The following FRMD6 variants were observed in gnomAD, a reference collection of about 807,000 sequenced individuals.
FRMD6 encodes the protein FERM domain-containing protein 6.
Under a neutral mutation model 73.2 loss-of-function variants are expected in FRMD6, and 37 were observed. The observed-to-expected ratio is 0.51, with a 90% CI of 0.39 to 0.66. The LOEUF is 0.66. Ranked by LOEUF, FRMD6 falls within the 30% of genes least tolerant of loss-of-function variation. FRMD6 has a pLI of 0.00. For synonymous variants in FRMD6, 273 were observed against 282.2 expected (o/e 0.97, Z 0.33); for missense variants, 714 against 780.5 (o/e 0.91, Z 1.02).
Position 51,720,273 on chromosome 14 carries a change from A to G in FRMD6, c.1243A>G (p.Ser415Gly). The change falls in exon 11 of 14, where the codon AGT (serine) becomes GGT (glycine). Residue 415 changes from serine to glycine, a missense_variant. Physicochemically the swap from Ser to Gly is moderately conservative, Grantham distance 56 (BLOSUM62 0). Transcript: ENST00000344768. ...GGGGCCAGAAGACAGCTACTCCAGC[A>G]GTGCCATCCACCGCAAGCTGAAAAC... The part of the protein sequence containing the change: ...DTGPEDSYSS[S>G]AIHRKLKTCS... 1.9e-6 allele frequency: 3 copies of G among 1,614,014 alleles called. No individual in the cohort carries two copies. The highest frequency in any genetic ancestry group is 2.5e-6 in the Non-Finnish European group (3 of 1,179,980).
chr14:51,418,842 G>A, the FRMD6 span, among the ~76,000 whole-genome samples: 1 of 152,356 alleles, frequency 6.6e-6, no homozygotes, highest in Admixed American at 6.5e-5. Context: ...CCCAGTTTGA[G>A]CTTCCATGGC....
In FRMD6 at chr14:51,730,247, CATT is replaced by C. The variant is rs1898188256; in HGVS notation, c.*2219_*2221del. 1.3e-5 allele frequency: 2 copies of C among 152,156 alleles called. No individual in the cohort carries two copies. The highest frequency in any genetic ancestry group is 2.4e-5 in the African/African-American group (1 of 41,432). The allele number at this position is 152,156 out of a possible 1,614,324, so 9.4% of individuals were successfully genotyped here. ...AATCAGATCTTTGAGGTTTTGCTGACATTGTTGGTGGTTTTGCACATGTTCTTT... is the reference window on the plus strand; with the variant it reads ...AATCAGATCTTTGAGGTTTTGCTGACGTTGGTGGTTTTGCACATGTTCTTT... On this transcript the variant is annotated 3_prime_UTR_variant, in exon 14 of 14. Coordinates refer to ENST00000344768, the MANE Select transcript of FRMD6 (RefSeq NM_001267046.2).
At chr14:51,671,835 C>T (rs970797376) in intron 1 of FRMD6, among the ~76,000 whole-genome samples, 1 of 152,306 alleles carries the variant, frequency 6.6e-6, no homozygotes, top group South Asian at 2.1e-4. Context: ...TCATCTTGTT[C>T]ATGCCCTAAT....
At chr14:51,652,617 C>T (rs967820948) in intron 1 of FRMD6, among the ~76,000 whole-genome samples, 1 of 152,236 alleles carries the variant, frequency 6.6e-6, no homozygotes, top group Non-Finnish European at 1.5e-5. Flanking sequence ...GCCTAGTCTG[C>T]GGAGCCGGAG....
At chr14:51,444,063 G>A in the FRMD6 span, among the ~76,000 whole-genome samples, 1 of 151,884 alleles carries the variant, frequency 6.6e-6, no homozygotes, top group Non-Finnish European at 1.5e-5. Context: ...CAAGTAGCTG[G>A]GATTACAGGC....
chr14:51,436,945 T>G, the FRMD6 span: 6 of 958,076 alleles, frequency 6.3e-6, no homozygotes, highest in Non-Finnish European at 6.2e-6. Context: ...GAGAGGAGGA[T>G]GAAGGAGAAG....
intron 1 of FRMD6, among the ~76,000 whole-genome samples, chr14:51,538,561 A>C (rs1409461293): frequency 1.3e-5 from 2 of 152,144 alleles, no homozygotes; most frequent in Non-Finnish European, 2.9e-5. Flanking sequence ...TATGTTTTGA[A>C]TTAATCTTTG....
the FRMD6 span, among the ~76,000 whole-genome samples, chr14:51,474,702 G>A: frequency 6.6e-6 from 1 of 152,190 alleles, no homozygotes; most frequent in East Asian, 1.9e-4. Flanking sequence ...GAAGGATCTT[G>A]AGAGACAGAT....
At chr14:51,691,588 A>ATTTTTTTTTTTTTTTTTTTT (rs758677611) in intron 2 of FRMD6, among the ~76,000 whole-genome samples, 11 of 75,144 alleles carry the variant, frequency 1.5e-4, no homozygotes, top group East Asian at 3.6e-4. Flanking sequence ...TTTGATTTTG[A>ATTTTTTTTTTTTTTTTTTTT]TTTTTTTTTT....
At chr14:51,407,720 G>C in the FRMD6 span, among the ~76,000 whole-genome samples, 1 of 151,758 alleles carries the variant, frequency 6.6e-6, no homozygotes. Flanking sequence ...TTTGTTCTTT[G>C]ACCTATAAAT....
chr14:51,602,597 C>G (rs577611011), intron 2 of FRMD6, among the ~76,000 whole-genome samples: 2 of 152,126 alleles, frequency 1.3e-5, no homozygotes, highest in Non-Finnish European at 2.9e-5. Context: ...TCTATGGCTG[C>G]TTTTGTGCTA....
intron 2 of FRMD6, 77 bp from the exon 3 acceptor site, chr14:51,698,065 A>G: frequency 1.0e-6 from 1 of 986,324 alleles, no homozygotes; most frequent in East Asian, 2.4e-5. Flanking sequence ...TTTACGATGC[A>G]TTAAATTGCC....
the FRMD6 span, among the ~76,000 whole-genome samples, chr14:51,477,737 C>CTTTTTTTTTTTTTTTTTTTT: frequency 1.5e-5 from 2 of 134,172 alleles, no homozygotes; most frequent in African/African-American, 5.6e-5. Flanking sequence ...TTTTCTTTTT[C>CTTTTTTTTTTTTTTTTTTTT]TTTTTTTTTT....
At chr14:51,468,303 GA>G in the FRMD6 span, among the ~76,000 whole-genome samples, 1 of 142,590 alleles carries the variant, frequency 7.0e-6, no homozygotes, top group East Asian at 2.1e-4. Flanking sequence ...AGAGATGGGA[GA>G]GGGGGAGGGG....
chr14:51,630,809 A>G (rs1891306977), intron 2 of FRMD6, among the ~76,000 whole-genome samples: 2 of 152,218 alleles, frequency 1.3e-5, no homozygotes, highest in South Asian at 4.1e-4. Context: ...GTAAATGTCA[A>G]CTAATGAGAA....
chr14:51,419,820 G>A, the FRMD6 span, among the ~76,000 whole-genome samples: 1 of 152,136 alleles, frequency 6.6e-6, no homozygotes. Flanking sequence ...CTCTTGTTAG[G>A]TGTACTCATG....
chr14:51,725,847 C>A lies in FRMD6; in HGVS notation c.1561C>A (p.Gln521Lys). The A allele has an allele frequency of 1.2e-6, 2 of 1,613,244 alleles. No individual in the cohort carries two copies. The highest frequency in any genetic ancestry group is 1.7e-6 in the Non-Finnish European group (2 of 1,179,382). ...AGAAACAGTTGTTAAGCTTCGTGGC[C>A]AGAGTACTGATTCTCTTCCACAGGT... The part of the protein sequence containing the change: ...SSETVVKLRG[Q>K]STDSLPQTIC... The change falls in exon 13 of 14, where the codon CAG becomes AAG. Residue 521 changes from glutamine (Q) to lysine (K), a missense_variant. By Grantham distance (53) the Gln-to-Lys change is moderately conservative. Coordinates refer to ENST00000344768, the MANE Select transcript of FRMD6 (RefSeq NM_001267046.2).
In FRMD6 at chr14:51,497,728, G is replaced by A. The variant is rs567283428; in HGVS notation, c.-210+8308G>A. ...ATACTACATGTTTGAAACCCAGCAT[G>A]TATTTTACACTTACAAAACATCTCA... On this transcript the variant is annotated intron_variant, in intron 1 of 14. Coordinates refer to the FRMD6 transcript ENST00000356218. Among the ~76,000 whole-genome samples the A allele has an allele frequency of 1.2e-4, 18 of 152,270 alleles. No individual in the cohort carries two copies. In the South Asian group the frequency reaches 2.3e-3, roughly 19 times the overall value.
chr14:51,453,800 G>T, the FRMD6 span, among the ~76,000 whole-genome samples: 3 of 152,118 alleles, frequency 2.0e-5, no homozygotes, highest in Non-Finnish European at 4.4e-5. Context: ...ACACAGTTAG[G>T]CTTGTTTTTA....
Sources: allele counts gnomAD v4.1 joint callset (sites outside exome capture counted in the v4.1 genomes callset), GRCh38; gene constraint gnomAD v4.1.1; transcripts MANE v1.5; gene names NCBI Gene and HGNC (gene_info 2026-07-23, HGNC 2026-07-21).